SORCS2: variants seen among roughly 807,000 people sequenced by gnomAD.
The protein encoded by SORCS2 is VPS10 domain-containing receptor SorCS2.
A neutral mutation model predicts 141.6 loss-of-function variants in SORCS2; 100 were observed. The observed-to-expected ratio is 0.71, with a 90% confidence interval of 0.60 to 0.83. The LOEUF is 0.83. Among genes scored for constraint, SORCS2 ranks in the 40% least tolerant of loss-of-function variants. The probability of loss-of-function intolerance (pLI) is 0.00; values close to 1 mark genes in which losing one functional copy is unlikely to be tolerated. For synonymous variants in SORCS2, 789 were observed against 676.9 expected, an observed-to-expected ratio of 1.17 and a Z score of -2.57; for missense variants, 1,646 against 1,560.2, an observed-to-expected ratio of 1.05 and a Z score of -0.93.
At chr4:7,242,309 C>G (rs748332072) in intron 1 of SORCS2, among the ~76,000 whole-genome samples, 2 of 152,162 alleles carry the variant, frequency 1.3e-5, no homozygotes, top group African/African-American at 2.4e-5. Flanking sequence ...GATTATCCAA[C>G]TCAGCCTCCT....
At chr4:7,535,131 T>A (rs1339657206) in intron 3 of SORCS2, among the ~76,000 whole-genome samples, 3 of 152,168 alleles carry the variant, frequency 2.0e-5, no homozygotes, top group African/African-American at 7.2e-5. Flanking sequence ...GTGCCCCGGT[T>A]TGGGCCTGTT....
chr4:7,393,368 G>A (rs1467208216), intron 1 of SORCS2, among the ~76,000 whole-genome samples: 1 of 152,142 alleles, frequency 6.6e-6, no homozygotes, highest in Non-Finnish European at 1.5e-5. Flanking sequence ...AAACTGTCCC[G>A]GGGATATTTC....
chr4:7,494,794 AG>A (rs542367172), intron 2 of SORCS2, among the ~76,000 whole-genome samples: 1,991 of 151,974 alleles, frequency 0.013, 50 homozygotes, highest in African/African-American at 0.046. Flanking sequence ...GTTGGCGGTA[AG>A]GGGTGTCATC....
intron 4 of SORCS2, among the ~76,000 whole-genome samples, 174 bp from the exon 5 acceptor site, chr4:7,653,960 G>A (rs1721593671): frequency 6.6e-6 from 1 of 152,202 alleles, no homozygotes; most frequent in Non-Finnish European, 1.5e-5. Flanking sequence ...GGTTCCTCCT[G>A]GAGGCGGTGG....
intron 2 of SORCS2, among the ~76,000 whole-genome samples, chr4:7,445,632 T>G (rs1560290140): frequency 1.3e-5 from 2 of 152,126 alleles, no homozygotes; most frequent in Non-Finnish European, 2.9e-5. Context: ...GGATGGGGGC[T>G]GCAGGGAGGC....
intron 8 of SORCS2, among the ~76,000 whole-genome samples, chr4:7,672,393 G>A (rs1392878354): frequency 6.6e-6 from 1 of 152,188 alleles, no homozygotes. Context: ...TCAAAGCGCT[G>A]AAAGAATTTG....
chr4:7,213,620 C>T (rs759943092), intron 1 of SORCS2, among the ~76,000 whole-genome samples: 1 of 152,222 alleles, frequency 6.6e-6, no homozygotes, highest in Non-Finnish European at 1.5e-5. Context: ...GGACTGCTGG[C>T]ATTGCAAGGA....
At chr4:7,204,527 T>C (rs574434643) in intron 1 of SORCS2, among the ~76,000 whole-genome samples, 6 of 152,246 alleles carry the variant, frequency 3.9e-5, no homozygotes, top group Middle Eastern at 6.8e-3. Context: ...TTATGTTAAG[T>C]TTTTGATTGA....
chr4:7,230,736 T>C (rs1157436258), intron 1 of SORCS2, among the ~76,000 whole-genome samples: 6 of 142,460 alleles, frequency 4.2e-5, no homozygotes, highest in African/African-American at 1.6e-4. Context: ...GATGGTCAAG[T>C]CTTTGAGTCT....
chr4:7,270,754 T>G (rs1240361338), intron 1 of SORCS2, among the ~76,000 whole-genome samples: 1 of 152,240 alleles, frequency 6.6e-6, no homozygotes, highest in Non-Finnish European at 1.5e-5. Flanking sequence ...TTACCAAATG[T>G]GAAATAAATA....
intron 1 of SORCS2, among the ~76,000 whole-genome samples, chr4:7,252,724 G>C (rs1005127032): frequency 6.6e-6 from 1 of 152,146 alleles, no homozygotes; most frequent in Non-Finnish European, 1.5e-5. Context: ...TCTGACAGGC[G>C]TCAGCCAGGA....
In SORCS2 at chr4:7,226,819, C is replaced by T. The variant is rs552163669; in HGVS notation, c.480+33693C>T. On this transcript the variant is annotated intron_variant, in intron 1 of 26. Coordinates refer to ENST00000507866, the MANE Select transcript of SORCS2 (RefSeq NM_020777.3). ...CTCCCCAGGCCACATCTTCAAGCACCGCCGGGAAGCACCAGGGCGTGGCCT... is the reference window on the plus strand; with the variant it reads ...CTCCCCAGGCCACATCTTCAAGCACTGCCGGGAAGCACCAGGGCGTGGCCT... Among the ~76,000 whole-genome samples the T allele has an allele frequency of 1.5e-3, 224 of 152,200 alleles. 2 individuals carry two copies. The highest frequency in any genetic ancestry group is 1.1e-3 in the Non-Finnish European group (75 of 68,040).
intron 4 of SORCS2, among the ~76,000 whole-genome samples, chr4:7,653,750 C>T (rs956933972): frequency 6.6e-6 from 1 of 152,202 alleles, no homozygotes; most frequent in African/African-American, 2.4e-5. Context: ...CTGTGTCCTG[C>T]TCTGCCATCC....
At chr4:7,326,941 GCCTCTCCT>G (rs201535310) in intron 1 of SORCS2, among the ~76,000 whole-genome samples, 4,434 of 152,322 alleles carry the variant, frequency 0.029, 211 homozygotes, top group African/African-American at 0.1. Context: ...GGGTGCAGTG[GCCTCTCCT>G]GTTGTCCCCT....
At chr4:7,717,112 G>A (rs564097862) in intron 17 of SORCS2, among the ~76,000 whole-genome samples, 1 of 152,336 alleles carries the variant, frequency 6.6e-6, no homozygotes, top group East Asian at 1.9e-4. Flanking sequence ...CAAGCTGGAT[G>A]AGGCCACCCC....
chr4:7,714,161 G>T, intron 15 of SORCS2, 79 bp from the exon 16 acceptor site: 1 of 1,515,000 alleles, frequency 6.6e-7, no homozygotes, highest in Non-Finnish European at 8.9e-7. Flanking sequence ...TTCAGGCTCT[G>T]GCAGCCTCAG....
intron 1 of SORCS2, among the ~76,000 whole-genome samples, chr4:7,299,555 A>G (rs904996): frequency 0.77 from 117,117 of 151,788 alleles, 47,313 homozygotes; most frequent in Non-Finnish European, 0.9. Context: ...AAGCGAGAGC[A>G]TGTTAGATCC....
intron 3 of SORCS2, among the ~76,000 whole-genome samples, chr4:7,575,235 T>C (rs1715673970): frequency 6.6e-6 from 1 of 152,240 alleles, no homozygotes; most frequent in Admixed American, 6.5e-5. Flanking sequence ...ACGAGCCGTG[T>C]GTGTAATTTT....
At chr4:7,458,003 G>A (rs968026147) in intron 2 of SORCS2, among the ~76,000 whole-genome samples, 1 of 152,180 alleles carries the variant, frequency 6.6e-6, no homozygotes, top group African/African-American at 2.4e-5. Flanking sequence ...TTGGTCTGCA[G>A]CTCCTGGGAT....
Sources: gnomAD v4.1 joint callset for allele counts (sites outside exome capture counted in the v4.1 genomes callset) on GRCh38, gnomAD v4.1.1 for gene constraint, MANE v1.5 for transcripts, NCBI Gene and HGNC (gene_info 2026-07-23, HGNC 2026-07-21) for gene names.